TNFRSF25: variants seen among roughly 807,000 people sequenced by gnomAD.
TNFRSF25 encodes the protein tumor necrosis factor receptor superfamily member 25.
A neutral mutation model predicts 49.4 loss-of-function variants in TNFRSF25; 28 were observed. The ratio of observed to expected loss-of-function variants is 0.57; its 90% CI spans 0.42 to 0.78. TNFRSF25 has a LOEUF of 0.78. Among genes scored for constraint, TNFRSF25 ranks in the 30% least tolerant of loss-of-function variants. The probability of loss-of-function intolerance (pLI) is 0.00; values close to 1 mark genes in which losing one functional copy is unlikely to be tolerated. For synonymous variants in TNFRSF25, 240 were observed against 234.2 expected (o/e 1.02, Z -0.23); for missense variants, 531 against 581.6 (o/e 0.91, Z 0.90).
chr1:6,462,311 G>T lies in TNFRSF25; in HGVS notation c.745-137C>A. 2 of 1,253,284 alleles carry T rather than the reference G, an allele frequency of 1.6e-6. No individual in the cohort carries two copies. The highest frequency in any genetic ancestry group is 2.2e-6 in the Non-Finnish European group (2 of 923,022). The allele number at this position is 1,253,284 out of a possible 1,614,324, so 77.6% of individuals were successfully genotyped here. ...AATGACACCTCCCACAGTTGGCCCT[G>T]CTCTCACTGTAGCCCAGCAGAACTC... On this transcript the variant is annotated intron_variant, in intron 8 of 9. Transcript: ENST00000356876. This position sits in a 1 kb window ranked among gnomAD's most constrained non-coding sequence, Gnocchi z 4.2.
chr1:6,463,902 T>C (rs1644256426), intron 5 of TNFRSF25: 1 of 170,594 alleles, frequency 5.9e-6, no homozygotes, highest in Non-Finnish European at 1.2e-5. Context: ...AGCAGCACAG[T>C]CCTGACTCTC....
In TNFRSF25 at chr1:6,465,545, G is replaced by A; in HGVS notation, c.55C>T (p.Leu19=). ...CCGCCCTGGGCCCGGGCCCCCAGCAGCACCAGGAGGAGCGCCTGGGGGACA... is the reference window on the plus strand; with the variant it reads ...CCGCCCTGGGCCCGGGCCCCCAGCAACACCAGGAGGAGCGCCTGGGGGACA... ...AAVAAALLLV[L]LGARAQGGTR... is the part of the protein sequence containing the mutation. Residue 19 remains leucine (L), a synonymous_variant, in exon 2 of 10, where the codon CTG becomes TTG. Transcript: ENST00000356876. 2 of 1,613,086 alleles carry A rather than the reference G, an allele frequency of 1.2e-6. No homozygotes were observed. Among genetic ancestry groups the A allele is most frequent in the Non-Finnish European group, 1.7e-6 (2 of 1,179,812 alleles).
rs1359874126 is a variant in TNFRSF25, at chr1:6,462,992, T to G, written c.599-22A>C. ...AACACTGAAAGCAGCTGGTGGGTGT[T>G]GGGTGGTTGCCCCCCTCCTCACCCG... On this transcript the variant is annotated intron_variant, in intron 6 of 9. Transcript: ENST00000356876. This position sits in a 1 kb window ranked among gnomAD's most constrained non-coding sequence, Gnocchi z 4.2. 6.4e-7 allele frequency: 1 copy of G among 1,569,660 alleles called. No homozygotes were observed. The highest frequency in any genetic ancestry group is 8.6e-7 in the Non-Finnish European group (1 of 1,156,684).
At chr1:6,466,008 T>A in intron 1 of TNFRSF25, 61 bp downstream of exon 1, 2 of 1,533,828 alleles carry the variant, frequency 1.3e-6, no homozygotes, top group East Asian at 5.2e-5. Flanking sequence ...GGCCCCTTCC[T>A]TCACCGAGGC....
At chr1:6,464,173 CT>C in intron 5 of TNFRSF25, 1 of 1,438,062 alleles carries the variant, frequency 7.0e-7, no homozygotes, top group South Asian at 1.5e-5. Flanking sequence ...GGCAAATACC[CT>C]TATGTATCTG....
Position 6,462,430 on chromosome 1 carries a change from A to G in TNFRSF25, c.744+199T>C. On this transcript the variant is annotated intron_variant, in intron 8 of 9. Coordinates refer to ENST00000356876, the MANE Select transcript of TNFRSF25 (RefSeq NM_003790.3). The surrounding 1 kb of genome is among the most constrained non-coding windows in gnomAD (Gnocchi z 4.2). ...TCCATTGAACTGTTAGCTCCTGTGT[A>G]CGAATCTGAACTCCAGCTGACTGAG... 3.0e-6 allele frequency: 4 copies of G among 1,345,058 alleles called. No individual in the cohort carries two copies. Among genetic ancestry groups the G allele is most frequent in the Non-Finnish European group, 4.0e-6 (4 of 1,011,044 alleles). 83.3% of individuals were successfully genotyped at this position (1,345,058 alleles called of 1,614,324 possible).
chr1:6,464,963 G>C (rs1569802325), intron 3 of TNFRSF25, 125 bp downstream of exon 3: 1 of 1,424,864 alleles, frequency 7.0e-7, no homozygotes. Flanking sequence ...GGAGGATCAG[G>C]GTGGAGGGTT....
At chr1:6,463,435 CTT>C in intron 5 of TNFRSF25, 1 of 430,704 alleles carries the variant, frequency 2.3e-6, no homozygotes, top group Middle Eastern at 6.1e-4. Context: ...TCAATAAAGA[CTT>C]GAATGGAGGC....
rs376060592 is a variant in TNFRSF25, at chr1:6,462,685, T to C, written c.707-19A>G. 12 of 1,612,698 alleles carry C rather than the reference T, an allele frequency of 7.4e-6. No individual in the cohort carries two copies. Among genetic ancestry groups the C allele is most frequent in the African/African-American group, 6.7e-5 (5 of 74,822 alleles). ...TCATCTGCTGACAGACACAGAGAGA[T>C]TGCGGTCAGCCACCAGGCAAGCCTC... On this transcript the variant is annotated intron_variant, in intron 7 of 9. Transcript: ENST00000356876. The surrounding 1 kb of genome is among the most constrained non-coding windows in gnomAD (Gnocchi z 4.2).
At position 6,461,804 on chromosome 1, in the gene TNFRSF25, G is replaced by A. The variant is rs1247743774; in HGVS notation, c.926-42C>T. The A allele has an allele frequency of 7.5e-6, 11 of 1,466,774 alleles. No homozygotes were observed. Among genetic ancestry groups the A allele is most frequent in the African/African-American group, 1.4e-5 (1 of 71,238 alleles). The allele number at this position is 1,466,774 out of a possible 1,614,324, so 90.9% of individuals were successfully genotyped here. A position where few individuals can be genotyped will look rare whatever the true frequency, so the allele number is the denominator to read the frequency against. On this transcript the variant is annotated intron_variant, in intron 9 of 9. Transcript: ENST00000356876. The surrounding 1 kb of genome is among the most constrained non-coding windows in gnomAD (Gnocchi z 6.3). The stretch of plus-strand genomic sequence containing the variant: ...GAGAGCCAATTGGGGTACGTGGGCC[G>A]CGGTCGGGAGGCAGAGTCAGGGGCG...
chr1:6,465,858 T>C, intron 1 of TNFRSF25: 1 of 1,422,168 alleles, frequency 7.0e-7, no homozygotes, highest in Non-Finnish European at 9.1e-7. Context: ...ACACTGATAA[T>C]GCTCTGCCTG....
chr1:6,462,432 G>GAA lies in TNFRSF25; in HGVS notation c.744+195_744+196dup. 7.4e-7 allele frequency: 1 copy of GAA among 1,356,962 alleles called. No individual in the cohort carries two copies. Among genetic ancestry groups the GAA allele is most frequent in the Non-Finnish European group, 9.8e-7 (1 of 1,021,098 alleles). The allele number at this position is 1,356,962 out of a possible 1,614,324, so 84.1% of individuals were successfully genotyped here. A position where few individuals can be genotyped will look rare whatever the true frequency, so the allele number is the denominator to read the frequency against. On this transcript the variant is annotated intron_variant, in intron 8 of 9. Coordinates refer to ENST00000356876, the MANE Select transcript of TNFRSF25 (RefSeq NM_003790.3). The surrounding 1 kb of genome is among the most constrained non-coding windows in gnomAD (Gnocchi z 4.2). Reference sequence around the variant, plus strand: ...CATTGAACTGTTAGCTCCTGTGTACGAATCTGAACTCCAGCTGACTGAGCA... The same window carrying GAA: ...CATTGAACTGTTAGCTCCTGTGTACGAAAATCTGAACTCCAGCTGACTGAGCA...
intron 5 of TNFRSF25, chr1:6,464,144 A>G: frequency 3.6e-6 from 5 of 1,397,518 alleles, no homozygotes; most frequent in Non-Finnish European, 4.7e-6. Flanking sequence ...CGCTGGGGGG[A>G]ATGCTGGCTG....
chr1:6,463,713 A>C (rs1316175041), intron 5 of TNFRSF25: 1 of 140,872 alleles, frequency 7.1e-6, no homozygotes, highest in Non-Finnish European at 1.5e-5. Flanking sequence ...GTGACAGAGC[A>C]AGTCTCCATC....
In TNFRSF25 at chr1:6,464,711, C is replaced by A; in HGVS notation, c.304G>T (p.Val102Leu). 1.2e-6 allele frequency: 2 copies of A among 1,612,540 alleles called. No individual in the cohort carries two copies. Among genetic ancestry groups the A allele is most frequent in the Non-Finnish European group, 1.7e-6 (2 of 1,179,000 alleles). The change falls in exon 4 of 10, where the codon GTG (valine) becomes TTG (leucine). Residue 102 changes from valine (V) to leucine (L), a missense_variant. Val to Leu is a conservative substitution (Grantham distance 32). Coordinates refer to ENST00000356876, the MANE Select transcript of TNFRSF25 (RefSeq NM_003790.3). ...ACTGCTGAACAGTTCTCCAGCGCCACCTGGGAGGCTGGTGGGGGTGCAGGG... is the reference window on the plus strand; with the variant it reads ...ACTGCTGAACAGTTCTCCAGCGCCAACTGGGAGGCTGGTGGGGGTGCAGGG... ...CQACDEQASQ[V>L]ALENCSAVAD...
chr1:6,461,234 A>T lies in TNFRSF25; in HGVS notation c.*200T>A. 1.3e-6 allele frequency: 1 copy of T among 744,514 alleles called. No homozygotes were observed. Among genetic ancestry groups the T allele is most frequent in the African/African-American group, 1.7e-5 (1 of 57,634 alleles). 46.1% of individuals were successfully genotyped at this position (744,514 alleles called of 1,614,324 possible). On this transcript the variant is annotated 3_prime_UTR_variant, in exon 10 of 10. Transcript: ENST00000356876. The surrounding 1 kb of genome is among the most constrained non-coding windows in gnomAD (Gnocchi z 6.3). ...GGCCGAGAAGTTGAGAAATGTCTTC[A>T]CCCCCTCTCGACATTCGTTCGTGCT...
chr1:6,464,092 C>G (rs1364811480), intron 5 of TNFRSF25: 16 of 1,299,320 alleles, frequency 1.2e-5, no homozygotes, highest in East Asian at 3.5e-5. Flanking sequence ...CAATGTGACT[C>G]TCTGTGTAAG....
In TNFRSF25 at chr1:6,465,958, A is replaced by G. The variant is rs568988255; in HGVS notation, c.39+111T>C. 8.1e-5 allele frequency: 120 copies of G among 1,476,638 alleles called. 3 individuals carry two copies. The South Asian group carries it at 1.5e-3, about 19-fold the overall frequency. 91.5% of individuals were successfully genotyped at this position (1,476,638 alleles called of 1,614,324 possible). On this transcript the variant is annotated intron_variant, in intron 1 of 9. Transcript: ENST00000356876. ...TTAACGAGATCGGAAAGGGCGGCCA[A>G]CCCAGCCCCCAGTGAGGCTTGGAGT...
At chr1:6,465,602 G>A (rs760420858) in intron 1 of TNFRSF25, 42 bp from the exon 2 acceptor site, 5 of 1,595,848 alleles carry the variant, frequency 3.1e-6, no homozygotes, top group Admixed American at 1.7e-5. Context: ...AGCTGCCCAC[G>A]TGGGGCCTCT....
Sources: gnomAD v4.1 joint callset for allele counts on GRCh38, gnomAD v4.1.1 for gene constraint, Gnocchi (gnomAD v3.1) non-coding constraint, MANE v1.5 for transcripts, NCBI Gene and HGNC (gene_info 2026-07-23, HGNC 2026-07-21) for gene names.